OTOP1: variants seen among roughly 807,000 people sequenced by gnomAD.
OTOP1 encodes the protein otopetrin 1, also known as proton channel OTOP1.
Under a neutral mutation model 52.9 loss-of-function variants are expected in OTOP1, and 59 were observed. The observed-to-expected ratio is 1.12, with a 90% CI of 0.91 to 1.39. OTOP1 has a LOEUF of 1.39. OTOP1 is among the 40% of genes most tolerant of loss of function. OTOP1 has a pLI of 0.00. For synonymous variants in OTOP1, 317 were observed against 337.7 expected (o/e 0.94, Z 0.67); for missense variants, 761 against 800.9 (o/e 0.95, Z 0.60).
chr4:4,192,719 C>A (rs1047882866), intron 5 of OTOP1, among the ~76,000 whole-genome samples: 2 of 152,288 alleles, frequency 1.3e-5, no homozygotes, highest in African/African-American at 2.4e-5. Context: ...TCACACTTGG[C>A]ACCTGTCACC....
chr4:4,217,970 A>AG (rs1406308466), intron 1 of OTOP1, among the ~76,000 whole-genome samples: 5 of 152,168 alleles, frequency 3.3e-5, no homozygotes, highest in Non-Finnish European at 7.3e-5. Flanking sequence ...TTAATAGGAG[A>AG]GAAAAGAAGA....
chr4:4,201,499 CAT>C (rs1553852439), intron 4 of OTOP1, among the ~76,000 whole-genome samples: 3 of 150,740 alleles, frequency 2.0e-5, no homozygotes, highest in African/African-American at 7.3e-5. Flanking sequence ...CACACACACA[CAT>C]ACACACACAC....
chr4:4,215,051 G>A (rs983210469), intron 1 of OTOP1, among the ~76,000 whole-genome samples: 2 of 152,126 alleles, frequency 1.3e-5, no homozygotes, highest in Admixed American at 6.5e-5. Flanking sequence ...GGAGTCCAAG[G>A]TGGGAGGATC....
chr4:4,214,020 G>T (rs1305099439), intron 1 of OTOP1, among the ~76,000 whole-genome samples: 1 of 152,166 alleles, frequency 6.6e-6, no homozygotes, highest in Admixed American at 6.5e-5. Context: ...AACCAGGGAG[G>T]CAGAGGTTGC....
Position 4,206,136 on chromosome 4 carries a change from T to C in OTOP1, c.541-6A>G, listed in dbSNP as rs1716900847. 1 of 1,597,086 alleles carries C rather than the reference T, an allele frequency of 6.3e-7. No individual in the cohort carries two copies. Among genetic ancestry groups the C allele is most frequent in the Non-Finnish European group, 8.6e-7 (1 of 1,165,584 alleles). ...TGCCCCCAAAGAAAATATACCTAGA[T>C]GGAAATAAAGAAAGAAAAGAAAAAT... On this transcript the variant is annotated splice_region_variant and splice_polypyrimidine_tract_variant and intron_variant, in intron 2 of 5. Coordinates refer to ENST00000296358, the MANE Select transcript of OTOP1 (RefSeq NM_177998.3).
In OTOP1 at chr4:4,226,496, G is replaced by C; in HGVS notation, c.369C>G (p.Leu123=). The C allele has an allele frequency of 6.4e-7, 1 of 1,573,988 alleles. No individual in the cohort carries two copies. Among genetic ancestry groups the C allele is most frequent in the Non-Finnish European group, 8.6e-7 (1 of 1,167,754 alleles). Residue 123 remains leucine (L), a synonymous_variant, in exon 1 of 6, where the codon CTC becomes CTG. Transcript: ENST00000296358. ...RSSAHRRLFR[L]KDTHAGAGWL... ...AGCCGGCACCCGCGTGCGTGTCCTT[G>C]AGGCGGAAGAGGCGGCGGTGCGCGG...
chr4:4,213,976 G>T (rs180918954), intron 1 of OTOP1, among the ~76,000 whole-genome samples: 6 of 152,258 alleles, frequency 3.9e-5, no homozygotes, highest in Admixed American at 3.9e-4. Flanking sequence ...TATAATCCCA[G>T]CTACTTGGGA....
intron 5 of OTOP1, among the ~76,000 whole-genome samples, chr4:4,194,474 G>A (rs1318905994): frequency 2.0e-5 from 3 of 152,190 alleles, no homozygotes; most frequent in Non-Finnish European, 2.9e-5. Context: ...CGCCTTCAGC[G>A]CCCCTCCTCA....
intron 1 of OTOP1, among the ~76,000 whole-genome samples, chr4:4,225,851 G>A (rs1340390450): frequency 6.6e-6 from 1 of 152,134 alleles, no homozygotes; most frequent in Non-Finnish European, 1.5e-5. Context: ...TGCGGGCTGG[G>A]GGCATGTGGT....
chr4:4,195,649 A>C (rs2980125), intron 5 of OTOP1, among the ~76,000 whole-genome samples: 123,212 of 152,200 alleles, frequency 0.81, 50,698 homozygotes, highest in African/African-American at 0.96. Flanking sequence ...CAACCCCAAG[A>C]AGCCAACCTC....
At chr4:4,213,651 C>A (rs1487025390) in intron 1 of OTOP1, among the ~76,000 whole-genome samples, 4 of 152,102 alleles carry the variant, frequency 2.6e-5, no homozygotes, top group Non-Finnish European at 2.9e-5. Context: ...AATTTCCTTC[C>A]TTTTTAAGCC....
At chr4:4,218,357 A>G (rs1262075010) in intron 1 of OTOP1, among the ~76,000 whole-genome samples, 1 of 148,482 alleles carries the variant, frequency 6.7e-6, no homozygotes, top group East Asian at 2.0e-4. Context: ...GCGCCATTGC[A>G]CTCCAGCATG....
In OTOP1 at chr4:4,197,271, C is replaced by G; in HGVS notation, c.1563G>C (p.Trp521Cys). The G allele has an allele frequency of 6.2e-7, 1 of 1,614,182 alleles. No homozygotes were observed. The highest frequency in any genetic ancestry group is 1.1e-5 in the South Asian group (1 of 91,078). The change falls in exon 5 of 6, where the codon TGG (tryptophan) becomes TGC (cysteine). Residue 521 changes from tryptophan (W) to cysteine (C), a missense_variant. Trp to Cys is a radical substitution (Grantham distance 215, BLOSUM62 -2). Transcript: ENST00000296358. ...GGCGGACTGGGCTTGGGCTCCCTCC[C>G]CAGCTGCTCTCCTCCTGCTTCTCCT... is the stretch of plus-strand genomic sequence containing the variant. ...KEEEKQEESSWGGSPSPVRLP... is the reference protein window; with the variant it reads ...KEEEKQEESSCGGSPSPVRLP...
At chr4:4,194,233 G>A (rs745998596) in intron 5 of OTOP1, among the ~76,000 whole-genome samples, 1 of 152,172 alleles carries the variant, frequency 6.6e-6, no homozygotes, top group Non-Finnish European at 1.5e-5. Context: ...TGTACAAAAA[G>A]CATATGCTTG....
At chr4:4,215,424 T>C (rs938228402) in intron 1 of OTOP1, among the ~76,000 whole-genome samples, 2 of 152,144 alleles carry the variant, frequency 1.3e-5, no homozygotes, top group Non-Finnish European at 2.9e-5. Flanking sequence ...CACTTTGGGA[T>C]GCTGAGGCGG....
Position 4,224,219 on chromosome 4 carries a change from C to T in OTOP1, c.403+2243G>A, listed in dbSNP as rs564995158. Reference sequence around the variant, plus strand: ...AAAAATAGCTGGGCATAGTTGCAGGCGCCTATAATCCCAGCTACTTGGGAG... The same window carrying T: ...AAAAATAGCTGGGCATAGTTGCAGGTGCCTATAATCCCAGCTACTTGGGAG... On this transcript the variant is annotated intron_variant, in intron 1 of 5. Transcript: ENST00000296358. 4.7e-3 allele frequency among the ~76,000 whole-genome samples: 709 copies of T among 151,884 alleles called. 4 individuals are homozygous for T. The highest frequency in any genetic ancestry group is 8.1e-3 in the Non-Finnish European group (551 of 67,920).
At position 4,226,484 on chromosome 4, in the gene OTOP1, G is replaced by C; in HGVS notation, c.381C>G (p.His127Gln). The change falls in exon 1 of 6, where the codon CAC (histidine) becomes CAG (glutamine). Residue 127 changes from histidine to glutamine, a missense_variant. Around this residue, in one of 3 missense-constraint regions of OTOP1, gnomAD observed 632 missense variants for 619.5 expected, o/e 1.02. Transcript: ENST00000296358. ...HRRLFRLKDT[H>Q]AGAGWLRGSI... ...CACCGCGCAGCCAGCCGGCACCCGC[G>C]TGCGTGTCCTTGAGGCGGAAGAGGC... The C allele has an allele frequency of 6.5e-7, 1 of 1,547,510 alleles. No homozygotes were observed. The highest frequency in any genetic ancestry group is 8.7e-7 in the Non-Finnish European group (1 of 1,155,090).
chr4:4,190,120 G>T (rs987215681), intron 5 of OTOP1, among the ~76,000 whole-genome samples: 1 of 152,156 alleles, frequency 6.6e-6, no homozygotes, highest in African/African-American at 2.4e-5. Flanking sequence ...GGTATATACA[G>T]CCGACCTCTG....
chr4:4,194,316 G>A (rs1347525175), intron 5 of OTOP1, among the ~76,000 whole-genome samples: 1 of 152,198 alleles, frequency 6.6e-6, no homozygotes, highest in Non-Finnish European at 1.5e-5. Context: ...AAATGCAGCC[G>A]AATAGTATCT....
Sources: allele counts gnomAD v4.1 joint callset (sites outside exome capture counted in the v4.1 genomes callset), GRCh38; gene constraint gnomAD v4.1.1; regional missense constraint gnomAD v4.1.1; transcripts MANE v1.5; gene names NCBI Gene and HGNC (gene_info 2026-07-23, HGNC 2026-07-21).